The following CHN2 variants were observed in gnomAD, a reference collection of about 807,000 sequenced individuals.
The protein encoded by CHN2 is beta-chimaerin.
CHN2 carries 35 observed loss-of-function variants against 56.3 expected under a neutral mutation model. The observed-to-expected ratio is 0.62, with a 90% CI of 0.47 to 0.82. The LOEUF (loss-of-function observed/expected upper bound fraction) is 0.82, where lower values mean the gene tolerates loss of function less well. Ranked by LOEUF, CHN2 falls within the 40% of genes least tolerant of loss-of-function variation. The probability of loss-of-function intolerance (pLI) is 0.00; values close to 1 mark genes in which losing one functional copy is unlikely to be tolerated. For synonymous variants in CHN2, 210 were observed against 212.8 expected (o/e 0.99, Z 0.12); for missense variants, 491 against 580.5 (o/e 0.85, Z 1.58).
At position 29,298,636 on chromosome 7, in the gene CHN2, C is replaced by T. The variant is rs147946302; in HGVS notation, c.50-55989C>T. On this transcript the variant is annotated intron_variant, in intron 1 of 12. Coordinates refer to ENST00000222792, the MANE Select transcript of CHN2 (RefSeq NM_004067.4). ...CATCCTATTTATCCCCATCACCTGG[C>T]AGGATTAGCAGGAGAATTGCTTAGA... Among the ~76,000 whole-genome samples, 7 of 152,304 alleles carry T rather than the reference C, an allele frequency of 4.6e-5. No individual in the cohort carries two copies. The East Asian group carries it at 1.2e-3, about 25-fold the overall frequency.
chr7:29,365,964 G>A (rs1230831787), intron 2 of CHN2, among the ~76,000 whole-genome samples: 2 of 152,132 alleles, frequency 1.3e-5, no homozygotes, highest in Non-Finnish European at 2.9e-5. Context: ...CAAAGCAAAC[G>A]TGACAGGTCT....
At chr7:29,263,552 T>G (rs945218222) in intron 1 of CHN2, among the ~76,000 whole-genome samples, 1 of 151,058 alleles carries the variant, frequency 6.6e-6, no homozygotes, top group Non-Finnish European at 1.5e-5. Context: ...GGAGCGCCTC[T>G]TTCCAGCCGC....
intron 1 of CHN2, among the ~76,000 whole-genome samples, chr7:29,294,158 G>A (rs1792931295): frequency 6.6e-6 from 1 of 152,112 alleles, no homozygotes; most frequent in Non-Finnish European, 1.5e-5. Context: ...GAGCCACGGC[G>A]CCCGGCCTGA....
At chr7:29,240,348 A>G (rs1787555230) in intron 1 of CHN2, among the ~76,000 whole-genome samples, 1 of 152,244 alleles carries the variant, frequency 6.6e-6, no homozygotes, top group South Asian at 2.1e-4. Flanking sequence ...TCAAAAGCAG[A>G]ATGAGTATTG....
chr7:29,147,403 C>T (rs1294323620), intron 2 of CHN2: 1 of 158,452 alleles, frequency 6.3e-6, no homozygotes, highest in Non-Finnish European at 1.4e-5. Flanking sequence ...CCAGCCAACC[C>T]GACAGTCAGG....
chr7:29,350,161 C>T (rs1797772760), intron 1 of CHN2, among the ~76,000 whole-genome samples: 1 of 152,148 alleles, frequency 6.6e-6, no homozygotes, highest in Admixed American at 6.5e-5. Context: ...TGTCAGAGGT[C>T]TAGAAGACAA....
intron 1 of CHN2, among the ~76,000 whole-genome samples, chr7:29,333,249 G>A (rs753927058): frequency 2.6e-4 from 39 of 152,126 alleles, no homozygotes; most frequent in Non-Finnish European, 4.7e-4. Flanking sequence ...CATCCTCCAC[G>A]GCTGTCCCAC....
chr7:29,400,427 C>T, intron 5 of CHN2, 116 bp from the exon 6 acceptor site: 1 of 1,011,956 alleles, frequency 9.9e-7, no homozygotes, highest in East Asian at 2.4e-5. Context: ...ACATCAAGTG[C>T]TTAGCCCTGT....
intron 2 of CHN2, among the ~76,000 whole-genome samples, chr7:29,176,528 G>T (rs985357635): frequency 2.6e-5 from 4 of 152,072 alleles, no homozygotes; most frequent in African/African-American, 9.7e-5. Context: ...ATCTAACTTT[G>T]ATTCCAAAGG....
chr7:29,205,434 T>G (rs1584727815), intron 1 of CHN2, among the ~76,000 whole-genome samples: 1 of 152,298 alleles, frequency 6.6e-6, no homozygotes, highest in East Asian at 1.9e-4. Flanking sequence ...TAAAATGGGC[T>G]AATAATACTA....
chr7:29,314,940 G>A (rs950726628), intron 1 of CHN2, among the ~76,000 whole-genome samples: 1 of 151,618 alleles, frequency 6.6e-6, no homozygotes, highest in African/African-American at 2.4e-5. Flanking sequence ...GGTTTATGTG[G>A]GCAAGAGAAT....
intron 1 of CHN2, among the ~76,000 whole-genome samples, chr7:29,255,611 C>G (rs1352997692): frequency 2.6e-5 from 4 of 152,222 alleles, no homozygotes; most frequent in African/African-American, 9.6e-5. Context: ...AATGGGACAA[C>G]TGGGCAGTTA....
intron 1 of CHN2, among the ~76,000 whole-genome samples, chr7:29,330,505 C>T (rs1021639779): frequency 6.6e-6 from 1 of 152,212 alleles, no homozygotes; most frequent in Non-Finnish European, 1.5e-5. Context: ...GGTGGCCTTG[C>T]TGAAACTTGT....
At chr7:29,229,170 G>C (rs1786468917) in intron 1 of CHN2, among the ~76,000 whole-genome samples, 1 of 152,108 alleles carries the variant, frequency 6.6e-6, no homozygotes, top group Non-Finnish European at 1.5e-5. Context: ...TGAGGAACAA[G>C]GATGAGATAA....
intron 1 of CHN2, chr7:29,213,096 C>T: frequency 6.2e-7 from 1 of 1,602,506 alleles, no homozygotes; most frequent in African/African-American, 1.3e-5. Context: ...TGGAGGCTGC[C>T]TTGGAAGCTG....
intron 2 of CHN2, among the ~76,000 whole-genome samples, chr7:29,167,641 G>A (rs1360821254): frequency 6.6e-6 from 1 of 152,118 alleles, no homozygotes; most frequent in Non-Finnish European, 1.5e-5. Context: ...AAGTGTGTAA[G>A]TGTTTTTATT....
At chr7:29,473,500 G>A (rs1422868275) in intron 6 of CHN2, among the ~76,000 whole-genome samples, 1 of 140,518 alleles carries the variant, frequency 7.1e-6, no homozygotes, top group Non-Finnish European at 1.5e-5. Flanking sequence ...GTGTGTGTGT[G>A]TGTGTGTTCT....
rs564506116 is a variant in CHN2 at position 29,310,489 on chromosome 7, G to A, written c.50-44136G>A. On this transcript the variant is annotated intron_variant, in intron 1 of 12. Coordinates refer to ENST00000222792, the MANE Select transcript of CHN2 (RefSeq NM_004067.4). ...GTAAATGGGATTATGAGTGATTGTT[G>A]TTTTATTCTTAGTGCCCAACGGTAG... 1.1e-4 allele frequency among the ~76,000 whole-genome samples: 16 copies of A among 152,246 alleles called. No individual in the cohort carries two copies. The South Asian group carries it at 3.1e-3, about 30-fold the overall frequency.
At chr7:29,427,656 CT>C (rs754677450) in intron 6 of CHN2, among the ~76,000 whole-genome samples, 17,204 of 120,032 alleles carry the variant, frequency 0.14, 978 homozygotes, top group East Asian at 0.32. Context: ...ATTTTTTATT[CT>C]TTTTTTTTTT....
Sources: gnomAD v4.1 joint callset for allele counts (sites outside exome capture counted in the v4.1 genomes callset) on GRCh38, gnomAD v4.1.1 for gene constraint, MANE v1.5 for transcripts, NCBI Gene and HGNC (gene_info 2026-07-23, HGNC 2026-07-21) for gene names.